Variants in CCDC61 observed in about 807,000 individuals in gnomAD.
The protein encoded by CCDC61 is coiled-coil domain containing 61, also known as centrosomal protein CCDC61.
In CCDC61, 55 loss-of-function variants were observed where a neutral mutation model predicts 63.0. The observed-to-expected ratio is 0.87, with a 90% CI of 0.70 to 1.09. The LOEUF is 1.09. Among genes scored for constraint, CCDC61 ranks in the 50% least tolerant of loss-of-function variants. CCDC61 has a pLI of 0.00. For synonymous variants in CCDC61, 270 were observed against 317.0 expected, an observed-to-expected ratio of 0.85 and a Z score of 1.58; for missense variants, 651 against 731.4, an observed-to-expected ratio of 0.89 and a Z score of 1.27.
chr19:46,014,690 G>C (rs1006955162), intron 5 of CCDC61, among the ~76,000 whole-genome samples: 2 of 152,204 alleles, frequency 1.3e-5, no homozygotes, highest in African/African-American at 4.8e-5. Context: ...GGGAGGAGGA[G>C]GGAGGCAGTG....
chr19:45,999,597 C>T (rs1163408435), intron 1 of CCDC61, among the ~76,000 whole-genome samples: 1 of 152,052 alleles, frequency 6.6e-6, no homozygotes, highest in East Asian at 1.9e-4. Context: ...GTAGATTTGT[C>T]TTTGGTGAGC....
chr19:46,004,587 C>T (rs935121920), intron 3 of CCDC61, among the ~76,000 whole-genome samples: 2 of 152,166 alleles, frequency 1.3e-5, no homozygotes, highest in Non-Finnish European at 2.9e-5. Flanking sequence ...GCCTCAGCCT[C>T]CCGAGTAGCT....
chr19:46,010,566 A>T (rs1204362836), intron 5 of CCDC61, among the ~76,000 whole-genome samples: 1 of 152,136 alleles, frequency 6.6e-6, no homozygotes, highest in South Asian at 2.1e-4. Context: ...CCTGTGGGAG[A>T]GGGAGGCAGG....
Position 46,003,520 on chromosome 19 carries a change from G to C in CCDC61, c.231+19G>C, listed in dbSNP as rs767918520. 1 of 1,561,130 alleles carries C rather than the reference G, an allele frequency of 6.4e-7. No homozygotes were observed. The highest frequency in any genetic ancestry group is 8.8e-7 in the Non-Finnish European group (1 of 1,135,902). On this transcript the variant is annotated intron_variant, in intron 3 of 13. Transcript: ENST00000595358. ...CACTCAGGTAGGGCCCGGGTTGGCG[G>C]GTTGGGGTGGGAGGGGGGTTCTGTC...
intron 5 of CCDC61, among the ~76,000 whole-genome samples, chr19:46,009,592 G>A (rs958197708): frequency 3.3e-5 from 5 of 152,162 alleles, no homozygotes; most frequent in African/African-American, 4.8e-5. Context: ...AGCCAGCGCC[G>A]AGCCTCTGTT....
At chr19:46,012,596 G>A (rs1164680787) in intron 5 of CCDC61, among the ~76,000 whole-genome samples, 1 of 151,844 alleles carries the variant, frequency 6.6e-6, no homozygotes, top group East Asian at 1.9e-4. Context: ...GCAGTGAGCC[G>A]AGATCACGCC....
intron 1 of CCDC61, among the ~76,000 whole-genome samples, chr19:46,000,241 T>A (rs1568686412): frequency 6.6e-6 from 1 of 151,218 alleles, no homozygotes; most frequent in Non-Finnish European, 1.5e-5. Context: ...TTACAAGCAA[T>A]TTGGGAGGGA....
At chr19:45,999,308 G>C (rs1409216866) in intron 1 of CCDC61, among the ~76,000 whole-genome samples, 2 of 150,852 alleles carry the variant, frequency 1.3e-5, no homozygotes, top group African/African-American at 4.9e-5. Flanking sequence ...GCTTTGGTCT[G>C]TATTCTGGGG....
rs1269959999 is a variant in CCDC61, at chr19:46,015,341, G to C, written c.763-4G>C. ...ACCTCCGCGCCCCTCTCCCCTCCCG[G>C]CAGCTCGAGGAGGCGAAGGCATCGG... On this transcript the variant is annotated splice_polypyrimidine_tract_variant and splice_region_variant and intron_variant, in intron 6 of 13. Coordinates refer to ENST00000595358, the MANE Select transcript of CCDC61 (RefSeq NM_001267723.2). The surrounding 1 kb of genome is among the most constrained non-coding windows in gnomAD (Gnocchi z 5.3). 9 of 1,599,698 alleles carry C rather than the reference G, an allele frequency of 5.6e-6. No individual in the cohort carries two copies. The South Asian group carries it at 1.0e-4, about 18-fold the overall frequency.
Position 46,018,474 on chromosome 19 carries a change from C to T in CCDC61, c.*87C>T, listed in dbSNP as rs967601956. ...GGGGCCAGGGTGGCCTCCAGCCCTG[C>T]CCAGTCCCTGCCCTGGCCCCGTCCC... is the stretch of plus-strand genomic sequence containing the variant. On this transcript the variant is annotated 3_prime_UTR_variant, in exon 14 of 14. Transcript: ENST00000595358. This position sits in a 1 kb window ranked among gnomAD's most constrained non-coding sequence, Gnocchi z 4.2. 4 of 1,079,730 alleles carry T rather than the reference C, an allele frequency of 3.7e-6. No individual in the cohort carries two copies. The African/African-American group carries it at 6.2e-5, about 17-fold the overall frequency. The allele number at this position is 1,079,730 out of a possible 1,614,324, so 66.9% of individuals were successfully genotyped here.
intron 3 of CCDC61, among the ~76,000 whole-genome samples, chr19:46,004,835 C>CTT (rs748867869): frequency 0.014 from 1,368 of 95,262 alleles, 128 homozygotes; most frequent in African/African-American, 0.052. Context: ...ATTTAGATAT[C>CTT]TTTTTTTTTT....
At chr19:45,996,920 C>T (rs960826488) in intron 1 of CCDC61, among the ~76,000 whole-genome samples, 4 of 152,108 alleles carry the variant, frequency 2.6e-5, no homozygotes, top group African/African-American at 9.7e-5. Flanking sequence ...ACTAGTAGAA[C>T]AGAAGTCAGG....
chr19:46,002,660 T>A (rs1455242549), intron 1 of CCDC61, among the ~76,000 whole-genome samples: 5 of 151,578 alleles, frequency 3.3e-5, no homozygotes, highest in Non-Finnish European at 5.9e-5. Context: ...CAAGTGATCC[T>A]CCTGCCTCAG....
chr19:46,018,280 G>A lies in CCDC61; in HGVS notation c.1442-10G>A, dbSNP rs375849617. 1.5e-5 allele frequency: 23 copies of A among 1,561,718 alleles called. 1 individual carries two copies. The African/African-American group carries it at 1.9e-4, about 13-fold the overall frequency. Reference sequence around the variant, plus strand: ...CCTCACAGCCCCCATACCCACACCTGCTCTCACAGAGTACAGCTCGGAGCA... The same window carrying A: ...CCTCACAGCCCCCATACCCACACCTACTCTCACAGAGTACAGCTCGGAGCA... On this transcript the variant is annotated splice_polypyrimidine_tract_variant and intron_variant, in intron 13 of 13. Transcript: ENST00000595358. The surrounding 1 kb of genome is among the most constrained non-coding windows in gnomAD (Gnocchi z 4.2).
Position 46,013,899 on chromosome 19 carries a change from T to G in CCDC61, c.552-1150T>G, listed in dbSNP as rs191148631. ...AAAAAAAAAGATTTCTTTGCAGTTC[T>G]TTTTGGCCTTAGGCTATATCCCGCT... On this transcript the variant is annotated intron_variant, in intron 5 of 13. Coordinates refer to ENST00000595358, the MANE Select transcript of CCDC61 (RefSeq NM_001267723.2). Among the ~76,000 whole-genome samples, 302 of 152,234 alleles carry G rather than the reference T, an allele frequency of 2.0e-3. 1 individual carries two copies. The highest frequency in any genetic ancestry group is 7.0e-3 in the African/African-American group (292 of 41,534).
chr19:46,018,108 C>T lies in CCDC61; in HGVS notation c.1399C>T (p.Gln467Ter). 1 of 1,611,100 alleles carries T rather than the reference C, an allele frequency of 6.2e-7. No homozygotes were observed. Residue 467 changes from glutamine to a stop codon, truncating the protein, a stop_gained, in exon 13 of 14, where the codon CAG becomes TAG. Coordinates refer to ENST00000595358, the MANE Select transcript of CCDC61 (RefSeq NM_001267723.2). LOFTEE classifies it high-confidence loss of function. This position sits in a 1 kb window ranked among gnomAD's most constrained non-coding sequence, Gnocchi z 4.2. ...TCCCCCCGTGGAACGCAGCCACCAT[C>T]AGAAATCTCTGGCCAACTCCGGGGG... is the stretch of plus-strand genomic sequence containing the variant. ...KSPPVERSHH[Q>*]KSLANSGGWV... is the part of the protein sequence containing the mutation.
intron 1 of CCDC61, among the ~76,000 whole-genome samples, chr19:45,999,739 G>A (rs1425812424): frequency 6.6e-6 from 1 of 152,146 alleles, no homozygotes; most frequent in African/African-American, 2.4e-5. Context: ...GGTCATCCTA[G>A]TGAATGATGA....
intron 5 of CCDC61, 34 bp downstream of exon 5, chr19:46,008,335 T>TGGGGGGGGGGGGGGGGGGGGGGG: frequency 2.0e-6 from 1 of 499,170 alleles, no homozygotes. Context: ...CTGGGGCGGG[T>TGGGGGGGGGGGGGGGGGGGGGGG]GGGGGCCCTC....
intron 3 of CCDC61, 86 bp downstream of exon 3, chr19:46,003,587 A>G: frequency 1.1e-6 from 1 of 874,520 alleles, no homozygotes; most frequent in Non-Finnish European, 1.8e-6. Flanking sequence ...GATGTATGTA[A>G]GACCCTCTAC....
Sources: gnomAD v4.1 joint callset for allele counts (sites outside exome capture counted in the v4.1 genomes callset) on GRCh38, gnomAD v4.1.1 for gene constraint, Gnocchi (gnomAD v3.1) non-coding constraint, MANE v1.5 for transcripts, NCBI Gene and HGNC (gene_info 2026-07-23, HGNC 2026-07-21) for gene names.